NFIB: variants seen among roughly 807,000 people sequenced by gnomAD.
NFIB encodes the protein nuclear factor I B, also known as nuclear factor 1 B-type.
Under a neutral mutation model 61.5 loss-of-function variants are expected in NFIB, and 11 were observed. The ratio of observed to expected loss-of-function variants is 0.18; its 90% CI spans 0.11 to 0.30. The LOEUF (loss-of-function observed/expected upper bound fraction) is 0.30, where lower values mean the gene tolerates loss of function less well. Ranked by LOEUF, NFIB falls within the 10% of genes least tolerant of loss-of-function variation. NFIB has a pLI of 1.00. For missense variants in NFIB, 471 were observed against 608.9 expected (o/e 0.77, Z 2.38); for synonymous variants, 260 against 216.5 (o/e 1.20, Z -1.76).
chr9:14,116,186 G>A (rs1171188900), intron 9 of NFIB, 22 bp downstream of exon 9: 2 of 1,484,770 alleles, frequency 1.3e-6, no homozygotes, highest in East Asian at 5.4e-5. Context: ...CTTACTGGTT[G>A]CTGTAGGTGA....
chr9:14,225,471 AAAAAAAAAAG>A (rs1192700638), intron 2 of NFIB, among the ~76,000 whole-genome samples: 50 of 145,844 alleles, frequency 3.4e-4, no homozygotes, highest in African/African-American at 9.1e-4. Context: ...AAAAAAAAAA[AAAAAAAAAAG>A]AAGAAGAAGA....
the NFIB span, among the ~76,000 whole-genome samples, chr9:14,522,278 A>G: frequency 3.3e-5 from 5 of 152,078 alleles, no homozygotes; most frequent in African/African-American, 1.2e-4. Flanking sequence ...TGTGTCATCA[A>G]TATTCCAGCG....
At chr9:14,225,456 C>CA (rs1228589594) in intron 2 of NFIB, among the ~76,000 whole-genome samples, 866 of 57,584 alleles carry the variant, frequency 0.015, 42 homozygotes, top group Non-Finnish European at 0.029. Context: ...GACTCCGTCT[C>CA]AAAAAAAAAA....
chr9:14,511,166 G>A, the NFIB span, among the ~76,000 whole-genome samples: 1 of 151,984 alleles, frequency 6.6e-6, no homozygotes, highest in East Asian at 1.9e-4. Context: ...TCCAGTACTA[G>A]GAATCATGAA....
intron 1 of NFIB, among the ~76,000 whole-genome samples, chr9:14,381,073 C>CAAAAAAA (rs34848529): frequency 3.6e-5 from 3 of 82,556 alleles, no homozygotes; most frequent in Non-Finnish European, 7.2e-5. Flanking sequence ...GACTCCGTCT[C>CAAAAAAA]AAAAAAAAAA....
rs74821587 is a variant in NFIB at position 14,139,433 on chromosome 9, T to G, written c.925+7256A>C. 0.018 allele frequency among the ~76,000 whole-genome samples: 2,743 copies of G among 152,330 alleles called. 229 individuals carry two copies. In the East Asian group the frequency reaches 0.26, roughly 15 times the overall value. ...AGATTTGAAATAAAACCTTTTCTTA[T>G]GCAGAGAAACTTTGTATGGCACACT... On this transcript the variant is annotated intron_variant, in intron 6 of 10. Transcript: ENST00000380953.
chr9:14,445,186 C>T, the NFIB span, among the ~76,000 whole-genome samples: 3 of 152,056 alleles, frequency 2.0e-5, no homozygotes, highest in African/African-American at 7.2e-5. Context: ...GGCAAACTTG[C>T]CAAACTCTTT....
upstream of NFIB, among the ~76,000 whole-genome samples, chr9:14,402,425 G>C (rs2061751876): frequency 6.6e-6 from 1 of 152,202 alleles, no homozygotes; most frequent in East Asian, 1.9e-4. Context: ...CTTAAATACA[G>C]TTGAAGTAAA....
At chr9:14,297,686 C>G (rs1006138283) in intron 2 of NFIB, among the ~76,000 whole-genome samples, 3 of 152,188 alleles carry the variant, frequency 2.0e-5, no homozygotes, top group African/African-American at 7.2e-5. Context: ...CAGTACGCAA[C>G]ACGCAAGTAA....
In NFIB at chr9:14,308,974, A is replaced by G. The variant is rs576426868; in HGVS notation, c.31-1454T>C. Among the ~76,000 whole-genome samples, 72 of 152,332 alleles carry G rather than the reference A, an allele frequency of 4.7e-4. 1 individual carries two copies. The South Asian group carries it at 0.013, about 27-fold the overall frequency. On this transcript the variant is annotated intron_variant, in intron 1 of 10. Transcript: ENST00000380953. Reference sequence around the variant, plus strand: ...AGAGAAAGAGCTTAACGTCCTGTACATGCACACCGCATGTACGCAATAAGC... The same window carrying G: ...AGAGAAAGAGCTTAACGTCCTGTACGTGCACACCGCATGTACGCAATAAGC...
the NFIB span, among the ~76,000 whole-genome samples, chr9:14,512,018 C>T: frequency 6.6e-6 from 1 of 152,158 alleles, no homozygotes; most frequent in East Asian, 1.9e-4. Context: ...ATTCTCTATC[C>T]TCAAGCCTTT....
chr9:14,438,111 G>T, the NFIB span, among the ~76,000 whole-genome samples: 4 of 150,800 alleles, frequency 2.7e-5, no homozygotes, highest in South Asian at 2.1e-4. Flanking sequence ...GATGAGGGGG[G>T]ACTGAGAAGC....
chr9:14,488,593 G>C, the NFIB span, among the ~76,000 whole-genome samples: 2 of 152,084 alleles, frequency 1.3e-5, no homozygotes, highest in Non-Finnish European at 2.9e-5. Flanking sequence ...AGAATAACTA[G>C]TTCCCCCAGT....
intron 3 of NFIB, among the ~76,000 whole-genome samples, chr9:14,166,482 C>G (rs567565530): frequency 6.6e-6 from 1 of 152,276 alleles, no homozygotes; most frequent in South Asian, 2.1e-4. Context: ...ACTTGTTTTT[C>G]ATCCAGGACA....
At chr9:14,205,218 AG>A (rs1299372648) in intron 2 of NFIB, among the ~76,000 whole-genome samples, 5 of 1,980 alleles carry the variant, frequency 2.5e-3, no homozygotes, top group Non-Finnish European at 3.3e-3. Context: ...GAAGGAAGGG[AG>A]GGGAGGGGAG....
Position 14,302,700 on chromosome 9 carries a change from C to T in NFIB, c.562+4289G>A, listed in dbSNP as rs141966675. 5.3e-5 allele frequency among the ~76,000 whole-genome samples: 8 copies of T among 152,216 alleles called. No homozygotes were observed. The East Asian group carries it at 9.7e-4, about 18-fold the overall frequency. Reference sequence around the variant, plus strand: ...TGTGTTGTGACCTCTCTCTTCAAAACGCTTTCCTGCCTCAGAGAAAGGCCA... The same window carrying T: ...TGTGTTGTGACCTCTCTCTTCAAAATGCTTTCCTGCCTCAGAGAAAGGCCA... On this transcript the variant is annotated intron_variant, in intron 2 of 10. Transcript: ENST00000380953.
intron 2 of NFIB, among the ~76,000 whole-genome samples, chr9:14,250,762 G>C (rs559447371): frequency 6.6e-6 from 1 of 152,274 alleles, no homozygotes; most frequent in Admixed American, 6.5e-5. Flanking sequence ...TTAACTATGT[G>C]AGAGAAGGAA....
At chr9:14,471,652 T>C in the NFIB span, among the ~76,000 whole-genome samples, 2 of 152,194 alleles carry the variant, frequency 1.3e-5, no homozygotes, top group African/African-American at 4.8e-5. Context: ...GAGTAGAATT[T>C]AAGGTTTTTC....
the NFIB span, among the ~76,000 whole-genome samples, chr9:14,475,212 G>C: frequency 6.6e-6 from 1 of 152,190 alleles, no homozygotes; most frequent in African/African-American, 2.4e-5. Context: ...ATGAATCTGA[G>C]GCATAGCGTG....
Sources: allele counts gnomAD v4.1 joint callset (sites outside exome capture counted in the v4.1 genomes callset), GRCh38; gene constraint gnomAD v4.1.1; transcripts MANE v1.5; gene names NCBI Gene and HGNC (gene_info 2026-07-23, HGNC 2026-07-21).